ADAMTS12: variants seen among roughly 807,000 people sequenced by gnomAD.
The protein encoded by ADAMTS12 is A disintegrin and metalloproteinase with thrombospondin motifs 12.
A neutral mutation model predicts 167.8 loss-of-function variants in ADAMTS12; 118 were observed. That is an observed-to-expected ratio of 0.70 (90% CI 0.61 to 0.82). The LOEUF (loss-of-function observed/expected upper bound fraction) is 0.82. ADAMTS12 is among the 40% of genes least tolerant of loss of function. The pLI, the probability that ADAMTS12 is intolerant of heterozygous loss-of-function variation, is 0.00. For synonymous variants in ADAMTS12, 704 were observed against 716.9 expected, an observed-to-expected ratio of 0.98 and a Z score of 0.29; for missense variants, 1,916 against 1,998.8, an observed-to-expected ratio of 0.96 and a Z score of 0.79.
intron 2 of ADAMTS12, among the ~76,000 whole-genome samples, chr5:33,831,959 T>C (rs1748317311): frequency 6.6e-6 from 1 of 152,124 alleles, no homozygotes; most frequent in Admixed American, 6.5e-5. Context: ...AACAAACAGT[T>C]ACAATTAGGA....
At chr5:33,624,138 A>C in intron 14 of ADAMTS12, 93 bp downstream of exon 14, 1 of 1,555,860 alleles carries the variant, frequency 6.4e-7, no homozygotes, top group African/African-American at 1.4e-5. Flanking sequence ...GACTGTTTAA[A>C]GAAATAAAAA....
At chr5:33,844,965 A>T (rs1200886572) in intron 2 of ADAMTS12, among the ~76,000 whole-genome samples, 2 of 152,182 alleles carry the variant, frequency 1.3e-5, no homozygotes, top group African/African-American at 4.8e-5. Context: ...AATTTCTGAA[A>T]TTTTTTATTT....
At chr5:33,616,407 T>A (rs1354900902) in intron 14 of ADAMTS12, among the ~76,000 whole-genome samples, 1 of 152,250 alleles carries the variant, frequency 6.6e-6, no homozygotes, top group Non-Finnish European at 1.5e-5. Context: ...AGCTCCTTGC[T>A]AGCTTCCTGC....
At chr5:33,536,725 C>T (rs1744431598) in intron 22 of ADAMTS12, among the ~76,000 whole-genome samples, 1 of 152,180 alleles carries the variant, frequency 6.6e-6, no homozygotes, top group Non-Finnish European at 1.5e-5. Flanking sequence ...GGAACTTCAA[C>T]CCAAGTCCAC....
At chr5:33,674,130 C>A (rs1354835929) in intron 5 of ADAMTS12, among the ~76,000 whole-genome samples, 1 of 152,036 alleles carries the variant, frequency 6.6e-6, no homozygotes, top group East Asian at 1.9e-4. Flanking sequence ...TACTGACTGA[C>A]AAAACTGAGG....
At chr5:33,695,986 T>C (rs979455671) in intron 3 of ADAMTS12, among the ~76,000 whole-genome samples, 1 of 152,218 alleles carries the variant, frequency 6.6e-6, no homozygotes, top group African/African-American at 2.4e-5. Context: ...AATCGCTGCA[T>C]TGACGAGTCC....
chr5:33,596,268 T>G (rs1295355544), intron 16 of ADAMTS12, among the ~76,000 whole-genome samples: 2 of 152,142 alleles, frequency 1.3e-5, no homozygotes, highest in East Asian at 3.8e-4. Context: ...GAGGAGAGCT[T>G]GCCTAGGAAA....
At chr5:33,695,387 AAT>A (rs1167785226) in intron 3 of ADAMTS12, among the ~76,000 whole-genome samples, 4 of 152,220 alleles carry the variant, frequency 2.6e-5, no homozygotes, top group Non-Finnish European at 5.9e-5. Context: ...GAGGGGAATA[AAT>A]AGAGACAGAG....
intron 2 of ADAMTS12, among the ~76,000 whole-genome samples, chr5:33,865,541 C>T (rs962263765): frequency 1.3e-5 from 2 of 152,066 alleles, no homozygotes; most frequent in African/African-American, 4.8e-5. Context: ...TAAAGCATTG[C>T]CTCTGAGAAA....
At chr5:33,554,092 A>G (rs1561121841) in intron 20 of ADAMTS12, among the ~76,000 whole-genome samples, 1 of 152,254 alleles carries the variant, frequency 6.6e-6, no homozygotes, top group Non-Finnish European at 1.5e-5. Flanking sequence ...TAGTGAGGAC[A>G]CAAAGGAGGA....
chr5:33,867,658 T>C (rs944199901), intron 2 of ADAMTS12, among the ~76,000 whole-genome samples: 3 of 152,026 alleles, frequency 2.0e-5, no homozygotes, highest in Admixed American at 6.6e-5. Context: ...CACACATATA[T>C]AAAAAGTTTT....
intron 17 of ADAMTS12, among the ~76,000 whole-genome samples, chr5:33,594,901 T>C (rs1047708330): frequency 2.0e-5 from 3 of 152,242 alleles, no homozygotes; most frequent in South Asian, 2.1e-4. Context: ...TATCACATTC[T>C]AGCTCTTCTT....
intron 3 of ADAMTS12, among the ~76,000 whole-genome samples, chr5:33,749,426 A>G (rs565007214): frequency 5.6e-4 from 85 of 152,268 alleles, no homozygotes; most frequent in Non-Finnish European, 1.1e-3. Flanking sequence ...GAAAGAAGGA[A>G]GGAAGCTACA....
In ADAMTS12 at chr5:33,576,578, C is replaced by G. The variant is rs1184903613; in HGVS notation, c.3448G>C (p.Gly1150Arg). The G allele has an allele frequency of 1.2e-6, 2 of 1,614,192 alleles. No individual in the cohort carries two copies. Among genetic ancestry groups the G allele is most frequent in the Admixed American group, 3.3e-5 (2 of 60,020 alleles). Residue 1150 changes from glycine to arginine, a missense_variant, in exon 19 of 24, where the codon GGT becomes CGT. Physicochemically the swap from Gly to Arg is moderately radical, Grantham distance 125 (BLOSUM62 -2). Coordinates refer to ENST00000504830, the MANE Select transcript of ADAMTS12 (RefSeq NM_030955.4). The stretch of plus-strand genomic sequence containing the variant: ...CCACTGTGAATCTCCATTTCTGGAC[C>G]TTTGGTCAAGGTATTGTAAAATGGA... ...VTPFYNTLTK[G>R]PEMEIHSGSG... is the part of the protein sequence containing the mutation.
intron 3 of ADAMTS12, among the ~76,000 whole-genome samples, chr5:33,728,031 A>C (rs1414767521): frequency 6.6e-6 from 1 of 152,156 alleles, no homozygotes; most frequent in African/African-American, 2.4e-5. Flanking sequence ...TTATTTTCTA[A>C]GGAAAGGAAC....
At chr5:33,633,986 C>G (rs182222684) in intron 12 of ADAMTS12, among the ~76,000 whole-genome samples, 2 of 152,228 alleles carry the variant, frequency 1.3e-5, no homozygotes, top group African/African-American at 4.8e-5. Flanking sequence ...CCCTCACACT[C>G]TCTGATTAAT....
At position 33,670,594 on chromosome 5, in the gene ADAMTS12, T is replaced by C. The variant is rs186166009; in HGVS notation, c.916-8554A>G. 3.4e-3 allele frequency among the ~76,000 whole-genome samples: 514 copies of C among 152,202 alleles called. 3 individuals are homozygous for C. The highest frequency in any genetic ancestry group is 0.012 in the African/African-American group (500 of 41,552). On this transcript the variant is annotated intron_variant, in intron 5 of 23. Transcript: ENST00000504830. ...CCGTCCCTATCAAAAGTACAAAAAT[T>C]AGTCTGGTATGGTGGTGGGTGTCTG... is the stretch of plus-strand genomic sequence containing the variant.
chr5:33,754,624 C>T (rs1745108551), intron 2 of ADAMTS12, among the ~76,000 whole-genome samples: 1 of 152,192 alleles, frequency 6.6e-6, no homozygotes, highest in South Asian at 2.1e-4. Context: ...GGGTGGATCA[C>T]TCAAGGTCAG....
intron 19 of ADAMTS12, among the ~76,000 whole-genome samples, chr5:33,569,333 T>C (rs56192513): frequency 0.33 from 49,599 of 151,966 alleles, 9,131 homozygotes; most frequent in South Asian, 0.41. Context: ...GCAGCCTAAC[T>C]GGGAGGCACC....
Sources: gnomAD v4.1 joint callset for allele counts (sites outside exome capture counted in the v4.1 genomes callset) on GRCh38, gnomAD v4.1.1 for gene constraint, MANE v1.5 for transcripts, NCBI Gene and HGNC (gene_info 2026-07-23, HGNC 2026-07-21) for gene names.